Variants in CHODL observed in about 807,000 individuals in gnomAD.
CHODL encodes the protein transmembrane protein MT75.
Under a neutral mutation model 34.5 loss-of-function variants are expected in CHODL, and 29 were observed. The ratio of observed to expected loss-of-function variants is 0.84; its 90% CI spans 0.63 to 1.15. The LOEUF is 1.15. Ranked by LOEUF, CHODL falls within the 50% of genes most tolerant of loss-of-function variation. CHODL has a pLI of 0.00. For missense variants in CHODL, 332 were observed against 332.5 expected (o/e 1.00, Z 0.01); for synonymous variants, 125 against 116.1 (o/e 1.08, Z -0.49).
chr21:18,087,240 G>C (rs1416775652), intron 2 of CHODL, among the ~76,000 whole-genome samples: 1 of 152,144 alleles, frequency 6.6e-6, no homozygotes, highest in Non-Finnish European at 1.5e-5. Flanking sequence ...AGTGTGGTCT[G>C]CTCAAATATC....
chr21:18,189,768 G>A (rs2073489351), intron 2 of CHODL, among the ~76,000 whole-genome samples: 3 of 151,640 alleles, frequency 2.0e-5, no homozygotes, highest in Admixed American at 2.0e-4. Context: ...CTGAATAGCT[G>A]GGATTACAGG....
At chr21:18,236,116 G>A (rs569948138) in intron 2 of CHODL, among the ~76,000 whole-genome samples, 1 of 152,154 alleles carries the variant, frequency 6.6e-6, no homozygotes, top group African/African-American at 2.4e-5. Context: ...ACAGTTCCAC[G>A]TGGCTGGGAA....
At chr21:18,022,774 C>T (rs2064139730) in intron 1 of CHODL, among the ~76,000 whole-genome samples, 1 of 152,194 alleles carries the variant, frequency 6.6e-6, no homozygotes, top group African/African-American at 2.4e-5. Flanking sequence ...ATGCAGTTAA[C>T]TCATACAGAG....
chr21:18,135,186 G>A (rs1241135989), intron 2 of CHODL, among the ~76,000 whole-genome samples: 1 of 152,088 alleles, frequency 6.6e-6, no homozygotes, highest in African/African-American at 2.4e-5. Context: ...TATATACGAG[G>A]AAAATTCTAT....
At chr21:17,983,773 G>A (rs1003067601) in intron 1 of CHODL, among the ~76,000 whole-genome samples, 23 of 151,958 alleles carry the variant, frequency 1.5e-4, no homozygotes, top group African/African-American at 4.6e-4. Flanking sequence ...TATAATAACC[G>A]CACATATTTA....
At chr21:17,964,880 G>A (rs2146355874) in intron 1 of CHODL, among the ~76,000 whole-genome samples, 1 of 152,206 alleles carries the variant, frequency 6.6e-6, no homozygotes, top group African/African-American at 2.4e-5. Context: ...AGATGTGTTG[G>A]GGCAGCAACT....
In CHODL at chr21:18,245,276, G is replaced by A; in HGVS notation, c.53G>A (p.Gly18Glu). The A allele has an allele frequency of 6.6e-7, 1 of 1,525,408 alleles. No individual in the cohort carries two copies. The highest frequency in any genetic ancestry group is 8.8e-7 in the Non-Finnish European group (1 of 1,142,802). 94.5% of individuals were successfully genotyped at this position (1,525,408 alleles called of 1,614,324 possible). A position where few individuals can be genotyped will look rare whatever the true frequency, so the allele number is the denominator to read the frequency against. Residue 18 changes from glycine (G) to glutamate (E), a missense_variant, in exon 1 of 6, where the codon GGA becomes GAA. Physicochemically the swap from Gly to Glu is moderately conservative, Grantham distance 98. Coordinates refer to ENST00000299295, the MANE Select transcript of CHODL (RefSeq NM_024944.3). ...LLGAALLCGH[G>E]AFCRRVVSGQ... ...GGCGCCGCGCTGCTCTGCGGCCACG[G>A]AGCCTTCTGCCGCCGCGTGGTCAGC... is the stretch of plus-strand genomic sequence containing the variant.
At chr21:18,112,738 A>G (rs529217134) in intron 2 of CHODL, among the ~76,000 whole-genome samples, 3 of 152,330 alleles carry the variant, frequency 2.0e-5, no homozygotes, top group Non-Finnish European at 4.4e-5. Context: ...CTAGACCCCT[A>G]TCTCTCACCA....
At chr21:18,110,867 G>T (rs1393245942) in intron 2 of CHODL, among the ~76,000 whole-genome samples, 1 of 151,990 alleles carries the variant, frequency 6.6e-6, no homozygotes, top group Non-Finnish European at 1.5e-5. Context: ...CTTTATTGTG[G>T]TAAGCTCATT....
At chr21:18,025,925 A>G (rs2064170647) in intron 1 of CHODL, among the ~76,000 whole-genome samples, 1 of 152,174 alleles carries the variant, frequency 6.6e-6, no homozygotes, top group Non-Finnish European at 1.5e-5. Flanking sequence ...TGTAACTTAA[A>G]TACCTCTTTA....
upstream of CHODL, among the ~76,000 whole-genome samples, chr21:18,242,152 A>G (rs9982813): frequency 0.13 from 20,098 of 152,136 alleles, 1,424 homozygotes; most frequent in African/African-American, 0.17. Flanking sequence ...CGCTTGCCCT[A>G]GAAAGAGCCC....
rs3984977 is a variant in CHODL, at chr21:18,086,041, C to CTTTTTTTTT, written c.-45+58088_-45+58096dup. ...TTCCAGATGTCTTGAAGACTTTGTT[C>CTTTTTTTTT]TTTTTTTTTTTTTTTTTTTTTTTTT... On this transcript the variant is annotated intron_variant, in intron 2 of 6. Transcript: ENST00000400127. Among the ~76,000 whole-genome samples, 341 of 38,700 alleles carry CTTTTTTTTT rather than the reference C, an allele frequency of 8.8e-3. 2 individuals carry two copies. The highest frequency in any genetic ancestry group is 0.014 in the Non-Finnish European group (274 of 20,186). The allele number at this position is 38,700 out of a possible 152,430, so 25.4% of individuals were successfully genotyped here. A position where few individuals can be genotyped will look rare whatever the true frequency, so the allele number is the denominator to read the frequency against.
intron 2 of CHODL, among the ~76,000 whole-genome samples, chr21:18,180,696 C>T (rs2073371395): frequency 6.6e-6 from 1 of 152,200 alleles, no homozygotes; most frequent in Non-Finnish European, 1.5e-5. Flanking sequence ...GGAGCAAATT[C>T]TAAACGTGTG....
chr21:18,010,415 G>C (rs1320544600), intron 1 of CHODL, among the ~76,000 whole-genome samples: 2 of 151,946 alleles, frequency 1.3e-5, no homozygotes, highest in Non-Finnish European at 2.9e-5. Flanking sequence ...GTTTCACCTG[G>C]CTGTGAAGAT....
chr21:17,967,175 C>A (rs1435896102), intron 1 of CHODL, among the ~76,000 whole-genome samples: 4 of 152,068 alleles, frequency 2.6e-5, no homozygotes, highest in Non-Finnish European at 5.9e-5. Context: ...ATGAGTTATG[C>A]ACCTGGCCCC....
intron 2 of CHODL, among the ~76,000 whole-genome samples, chr21:18,201,268 C>A (rs1325807095): frequency 2.0e-5 from 3 of 151,780 alleles, no homozygotes; most frequent in African/African-American, 7.3e-5. Context: ...CATGTTATTG[C>A]CTAAAAATTT....
rs1456546681 is a variant in CHODL, at chr21:18,159,814, A to C, written c.-44-96695A>C. Among the ~76,000 whole-genome samples the C allele has an allele frequency of 7.9e-4, 120 of 152,292 alleles. 1 individual carries two copies. The highest frequency in any genetic ancestry group is 2.7e-3 in the African/African-American group (113 of 41,558). On this transcript the variant is annotated intron_variant, in intron 2 of 6. Transcript: ENST00000400127. ...AGAATCAGATAGATGGCAGCATGAGAAGGATTCGACCTGCTGGTGCTGTTG... is the reference window on the plus strand; with the variant it reads ...AGAATCAGATAGATGGCAGCATGAGCAGGATTCGACCTGCTGGTGCTGTTG...
chr21:18,070,189 T>G (rs2064786455), intron 2 of CHODL, among the ~76,000 whole-genome samples: 1 of 151,842 alleles, frequency 6.6e-6, no homozygotes, highest in Non-Finnish European at 1.5e-5. Context: ...AACTTACTCA[T>G]GTAACCAAAC....
chr21:18,009,800 A>AT (rs1394602698), intron 1 of CHODL, among the ~76,000 whole-genome samples: 1 of 150,644 alleles, frequency 6.6e-6, no homozygotes, highest in Non-Finnish European at 1.5e-5. Context: ...AGACAGGAGA[A>AT]TGGCGTGAAC....
Sources: gnomAD v4.1 joint callset for allele counts (sites outside exome capture counted in the v4.1 genomes callset) on GRCh38, gnomAD v4.1.1 for gene constraint, MANE v1.5 for transcripts, NCBI Gene and HGNC (gene_info 2026-07-23, HGNC 2026-07-21) for gene names.